Variants in NCLN observed in about 807,000 individuals in gnomAD.
NCLN encodes the protein BOS complex subunit NCLN.
Under a neutral mutation model 69.5 loss-of-function variants are expected in NCLN, and 34 were observed. That is an observed-to-expected ratio of 0.49 (90% CI 0.37 to 0.65). NCLN has a LOEUF of 0.65. NCLN is among the 30% of genes least tolerant of loss of function. NCLN has a pLI of 0.00. For synonymous variants in NCLN, 393 were observed against 358.3 expected (o/e 1.10, Z -1.09); for missense variants, 710 against 804.8 (o/e 0.88, Z 1.42).
rs999760713 is a variant in NCLN, at chr19:3,192,475, C to T, written c.190C>T (p.Arg64Trp). 6 of 1,594,000 alleles carry T rather than the reference C, an allele frequency of 3.8e-6. No individual in the cohort carries two copies. Among genetic ancestry groups the T allele is most frequent in the Non-Finnish European group, 5.1e-6 (6 of 1,173,398 alleles). ...CCCCGCCCCTGTGCCCACAGGCACA[C>T]GGAATGCAGTGCTGAACACGGAGGC... ...YDLQGQPYGTRNAVLNTEART... is the reference protein window; with the variant it reads ...YDLQGQPYGTWNAVLNTEART... Residue 64 changes from arginine (R) to tryptophan (W), a missense_variant, in exon 2 of 15, where the codon CGG becomes TGG. By Grantham distance (101) the Arg-to-Trp change is moderately radical (BLOSUM62 -3). Transcript: ENST00000246117.
Position 3,206,323 on chromosome 19 carries a change from C to T in NCLN, c.1397C>T (p.Ala466Val). The stretch of plus-strand genomic sequence containing the variant: ...TGGCTCACCAACCAGCCGCGGGCCG[C>T]GCAGCTGGTGGACAAGGACAGCACC... ...MDWLTNQPRA[A>V]QLVDKDSTFL... is the part of the protein sequence containing the mutation. Residue 466 changes from alanine (A) to valine (V), a missense_variant, in exon 12 of 15, where the codon GCG becomes GTG. By Grantham distance (64) the Ala-to-Val change is moderately conservative (BLOSUM62 0). Coordinates refer to ENST00000246117, the MANE Select transcript of NCLN (RefSeq NM_020170.4). 3.2e-6 allele frequency: 5 copies of T among 1,548,320 alleles called. No homozygotes were observed. Among genetic ancestry groups the T allele is most frequent in the African/African-American group, 1.4e-5 (1 of 73,120 alleles).
intron 6 of NCLN, among the ~76,000 whole-genome samples, chr19:3,203,483 A>C (rs1469508532): frequency 6.6e-6 from 1 of 152,032 alleles, no homozygotes; most frequent in African/African-American, 2.4e-5. Context: ...AGTGATTTGC[A>C]GTTGTCATTG....
chr19:3,193,492 A>C, intron 3 of NCLN, 64 bp downstream of exon 3: 2 of 1,493,256 alleles, frequency 1.3e-6, no homozygotes, highest in Non-Finnish European at 1.8e-6. Flanking sequence ...CCCCATCCCA[A>C]GGGCTGCGGT....
intron 4 of NCLN, among the ~76,000 whole-genome samples, chr19:3,196,842 C>T (rs1315835938): frequency 4.6e-5 from 7 of 152,238 alleles, no homozygotes; most frequent in East Asian, 1.9e-4. Flanking sequence ...AAGCACCCAC[C>T]GACTCCTCTA....
chr19:3,206,492 C>T (rs1916276504), intron 12 of NCLN, 67 bp downstream of exon 12: 3 of 1,482,060 alleles, frequency 2.0e-6, no homozygotes, highest in Non-Finnish European at 1.8e-6. Context: ...CCTACTGCAT[C>T]TCCCACCCCC....
At chr19:3,201,822 G>A (rs1916133973) in intron 6 of NCLN, among the ~76,000 whole-genome samples, 196 bp downstream of exon 6, 2 of 152,190 alleles carry the variant, frequency 1.3e-5, no homozygotes, top group South Asian at 4.1e-4. Flanking sequence ...AGTCCCACAG[G>A]GCCCAGCTGC....
chr19:3,204,829 A>C, intron 9 of NCLN, 78 bp downstream of exon 9: 1 of 1,338,516 alleles, frequency 7.5e-7, no homozygotes, highest in Non-Finnish European at 9.6e-7. Context: ...TGCAGAGGCC[A>C]TGAGAGCCTG....
intron 1 of NCLN, 86 bp downstream of exon 1, chr19:3,186,300 C>G: frequency 7.4e-7 from 1 of 1,342,366 alleles, no homozygotes; most frequent in Non-Finnish European, 9.6e-7. Flanking sequence ...CGATCCCTAG[C>G]TCCGGCCTGG....
chr19:3,196,797 T>A (rs1915971114), intron 4 of NCLN, among the ~76,000 whole-genome samples: 1 of 152,238 alleles, frequency 6.6e-6, no homozygotes, highest in Non-Finnish European at 1.5e-5. Flanking sequence ...GTGTCGCTGC[T>A]GCTGCAGCAC....
At chr19:3,188,024 T>C (rs1915714476) in intron 1 of NCLN, among the ~76,000 whole-genome samples, 1 of 152,072 alleles carries the variant, frequency 6.6e-6, no homozygotes, top group African/African-American at 2.4e-5. Context: ...CAGCGCTGCT[T>C]GAGGGTAATA....
At chr19:3,188,378 G>A (rs963458500) in intron 1 of NCLN, among the ~76,000 whole-genome samples, 15 of 152,208 alleles carry the variant, frequency 9.9e-5, no homozygotes, top group Admixed American at 6.5e-4. Context: ...TGTCTATCGA[G>A]TGAGCAGATG....
rs201578716 is a variant in NCLN, at chr19:3,196,310, G to A, written c.615+33G>A. 13,810 of 1,458,234 alleles carry A rather than the reference G, an allele frequency of 9.5e-3. 87 individuals carry two copies. Among genetic ancestry groups the A allele is most frequent in the African/African-American group, 0.013 (906 of 71,220 alleles). 90.3% of individuals were successfully genotyped at this position (1,458,234 alleles called of 1,614,324 possible). A position where few individuals can be genotyped will look rare whatever the true frequency, so the allele number is the denominator to read the frequency against. Reference sequence around the variant, plus strand: ...CCGCCTGCCCCGGAGCCAGCCCCACGTCCCCAGGGGTTCCTGCCATCCGCC... The same window carrying A: ...CCGCCTGCCCCGGAGCCAGCCCCACATCCCCAGGGGTTCCTGCCATCCGCC... On this transcript the variant is annotated intron_variant, in intron 4 of 14. Transcript: ENST00000246117.
intron 4 of NCLN, among the ~76,000 whole-genome samples, chr19:3,197,002 C>A (rs1300030715): frequency 6.6e-6 from 1 of 152,204 alleles, no homozygotes; most frequent in African/African-American, 2.4e-5. Context: ...GGAAAAGCAG[C>A]GGCTTAGGCC....
In NCLN at chr19:3,186,006, C is replaced by T. The variant is rs1286674410; in HGVS notation, c.-25C>T. ...CCGCCGTCCCGTCCCAGCTGCCGCC[C>T]CGCGCGGCCCCGCCGCCGGCCAGGA... On this transcript the variant is annotated 5_prime_UTR_variant, in exon 1 of 15. Transcript: ENST00000246117. 5 of 1,510,660 alleles carry T rather than the reference C, an allele frequency of 3.3e-6. No homozygotes were observed. The highest frequency in any genetic ancestry group is 2.9e-5 in the African/African-American group (2 of 69,050). 93.6% of individuals were successfully genotyped at this position (1,510,660 alleles called of 1,614,324 possible).
intron 1 of NCLN, among the ~76,000 whole-genome samples, chr19:3,188,999 A>AC (rs1243022271): frequency 1.3e-5 from 2 of 151,654 alleles, no homozygotes; most frequent in African/African-American, 4.9e-5. Flanking sequence ...GTGTGCTTTC[A>AC]CCCCCGGGCC....
At chr19:3,186,994 C>T (rs191646846) in intron 1 of NCLN, among the ~76,000 whole-genome samples, 2 of 152,244 alleles carry the variant, frequency 1.3e-5, no homozygotes, top group African/African-American at 2.4e-5. Flanking sequence ...TCCCTGGTCT[C>T]CTCCCACGTC....
chr19:3,186,771 A>G (rs1915681173), intron 1 of NCLN, among the ~76,000 whole-genome samples: 1 of 152,190 alleles, frequency 6.6e-6, no homozygotes, highest in African/African-American at 2.4e-5. Flanking sequence ...GATTTCTGCC[A>G]GGCTGAGCCA....
chr19:3,204,390 T>G (rs1287194803), intron 8 of NCLN, among the ~76,000 whole-genome samples, 183 bp from the exon 9 acceptor site: 1 of 151,996 alleles, frequency 6.6e-6, no homozygotes, highest in Non-Finnish European at 1.5e-5. Context: ...CCCTTGTCCC[T>G]CCTTACCCAC....
At position 3,206,172 on chromosome 19, in the gene NCLN, G is replaced by C. The variant is rs903531720; in HGVS notation, c.1317G>C (p.Pro439=). 317 of 1,460,682 alleles carry C rather than the reference G, an allele frequency of 2.2e-4. No individual in the cohort carries two copies. The highest frequency in any genetic ancestry group is 2.6e-4 in the Non-Finnish European group (289 of 1,093,980). 90.5% of individuals were successfully genotyped at this position (1,460,682 alleles called of 1,614,324 possible). A position where few individuals can be genotyped will look rare whatever the true frequency, so the allele number is the denominator to read the frequency against. ...LTEKGTPPDM[P]VFTEQMQIQQ... ...CGCAGGGGACACCCCCAGACATGCCGGTGTTCACAGAGCAGATGGTAAGGG... is the reference window on the plus strand; with the variant it reads ...CGCAGGGGACACCCCCAGACATGCCCGTGTTCACAGAGCAGATGGTAAGGG... The change falls in exon 11 of 15, where the codon CCG becomes CCC. Residue 439 remains proline, a synonymous_variant. Coordinates refer to ENST00000246117, the MANE Select transcript of NCLN (RefSeq NM_020170.4).
Sources: gnomAD v4.1 joint callset for allele counts (sites outside exome capture counted in the v4.1 genomes callset) on GRCh38, gnomAD v4.1.1 for gene constraint, MANE v1.5 for transcripts, NCBI Gene and HGNC (gene_info 2026-07-23, HGNC 2026-07-21) for gene names.